Variants in KCTD16 observed in about 807,000 individuals in gnomAD.
KCTD16 encodes BTB/POZ domain-containing protein KCTD16.
Under a neutral mutation model 33.2 loss-of-function variants are expected in KCTD16, and 13 were observed. The observed-to-expected ratio is 0.39, with a 90% confidence interval of 0.25 to 0.62. The LOEUF is 0.62. Ranked by LOEUF, KCTD16 falls within the 20% of genes least tolerant of loss-of-function variation. The pLI is 0.50. For synonymous variants in KCTD16, 197 were observed against 195.3 expected (o/e 1.01, Z -0.07); for missense variants, 441 against 525.1 (o/e 0.84, Z 1.57).
rs1753211005 is a variant in KCTD16, at chr5:144,207,240, T to G, written c.526T>G (p.Leu176Val). 3 of 1,614,114 alleles carry G rather than the reference T, an allele frequency of 1.9e-6. No homozygotes were observed. The East Asian group carries it at 6.7e-5, about 36-fold the overall frequency. Residue 176 changes from leucine (L) to valine (V), a missense_variant, in exon 3 of 4, where the codon TTG becomes GTG. Physicochemically the swap from Leu to Val is conservative, Grantham distance 32. Around this residue, in one of 3 missense-constraint regions of KCTD16, gnomAD observed 355 missense variants for 413.0 expected, o/e 0.86. Coordinates refer to ENST00000512467, the MANE Select transcript of KCTD16 (RefSeq NM_020768.4). ...TGTGGGTTACAGAGGATCCTGCACC[T>G]TGGGCAGAGAGGGACAGGCAGATGC... ...ITVGYRGSCT[L>V]GREGQADAKF... is the part of the protein sequence containing the mutation.
At chr5:144,342,249 A>G (rs1016931727) in intron 3 of KCTD16, among the ~76,000 whole-genome samples, 1 of 152,078 alleles carries the variant, frequency 6.6e-6, no homozygotes, top group Admixed American at 6.6e-5. Context: ...GTTTTATTTC[A>G]TTGAACAGTG....
intron 3 of KCTD16, among the ~76,000 whole-genome samples, chr5:144,305,432 A>G (rs1457129415): frequency 3.3e-5 from 5 of 152,234 alleles, no homozygotes; most frequent in East Asian, 1.9e-4. Flanking sequence ...CCCTAATTCA[A>G]TCTGACTGGT....
At chr5:144,242,094 AT>A (rs149271435) in intron 3 of KCTD16, among the ~76,000 whole-genome samples, 6,843 of 151,888 alleles carry the variant, frequency 0.045, 449 homozygotes, top group African/African-American at 0.15. Flanking sequence ...ATTTTATTTT[AT>A]TTTTTTTGAA....
In KCTD16 at chr5:144,199,707, A is replaced by ATTTT. The variant is rs574670606; in HGVS notation, c.-326-6657_-326-6654dup. Among the ~76,000 whole-genome samples, 571 of 67,720 alleles carry ATTTT rather than the reference A, an allele frequency of 8.4e-3. 76 individuals carry two copies. Among genetic ancestry groups the ATTTT allele is most frequent in the African/African-American group, 0.03 (505 of 16,630 alleles). 44.4% of individuals were successfully genotyped at this position (67,720 alleles called of 152,430 possible). On this transcript the variant is annotated intron_variant, in intron 2 of 3. Coordinates refer to ENST00000512467, the MANE Select transcript of KCTD16 (RefSeq NM_020768.4). ...TGACCATTTGTTCCAGAACAGCTTCATTTTTTTTTTTTTTTTTTTTTTTTT... is the reference window on the plus strand; with the variant it reads ...TGACCATTTGTTCCAGAACAGCTTCATTTTTTTTTTTTTTTTTTTTTTTTTTTTT...
intron 3 of KCTD16, among the ~76,000 whole-genome samples, chr5:144,425,347 G>A (rs1753302508): frequency 6.6e-6 from 1 of 151,880 alleles, no homozygotes; most frequent in South Asian, 2.1e-4. Flanking sequence ...TAGCCTTGTT[G>A]GGCTCATCCC....
chr5:144,371,886 T>G (rs1341131401), intron 3 of KCTD16, among the ~76,000 whole-genome samples: 2 of 152,158 alleles, frequency 1.3e-5, no homozygotes, highest in Admixed American at 1.3e-4. Context: ...ACCTGTAGCC[T>G]TCTCTTGCCT....
Position 144,353,075 on chromosome 5 carries a change from G to C in KCTD16, c.833-120585G>C, listed in dbSNP as rs1334831449. 2.6e-5 allele frequency among the ~76,000 whole-genome samples: 4 copies of C among 152,308 alleles called. No individual in the cohort carries two copies. The East Asian group carries it at 5.8e-4, about 22-fold the overall frequency. ...CAAAATCTTAATTAGATGCAGACCA[G>C]GGCTAACGTTTGCCACCTGCTGCTG... is the stretch of plus-strand genomic sequence containing the variant. On this transcript the variant is annotated intron_variant, in intron 3 of 3. Coordinates refer to ENST00000512467, the MANE Select transcript of KCTD16 (RefSeq NM_020768.4).
intron 3 of KCTD16, among the ~76,000 whole-genome samples, chr5:144,273,956 T>C (rs1275006735): frequency 6.6e-6 from 1 of 150,864 alleles, no homozygotes; most frequent in Non-Finnish European, 1.5e-5. Context: ...TGTATTAAAA[T>C]ATACGTAACA....
chr5:144,352,459 A>G (rs1751468954), intron 3 of KCTD16, among the ~76,000 whole-genome samples: 1 of 152,218 alleles, frequency 6.6e-6, no homozygotes, highest in South Asian at 2.1e-4. Flanking sequence ...CACTGGTGAC[A>G]CACAAACTCT....
intron 3 of KCTD16, among the ~76,000 whole-genome samples, chr5:144,275,117 G>T (rs1755403986): frequency 6.6e-6 from 1 of 152,152 alleles, no homozygotes. Flanking sequence ...CTACAGTGTA[G>T]ATGCTAAAAT....
At chr5:144,288,971 G>A (rs1561554880) in intron 3 of KCTD16, among the ~76,000 whole-genome samples, 1 of 152,028 alleles carries the variant, frequency 6.6e-6, no homozygotes, top group Non-Finnish European at 1.5e-5. Context: ...AGCCAGTCGC[G>A]CCATTGCATT....
intron 2 of KCTD16, among the ~76,000 whole-genome samples, chr5:144,176,384 T>G (rs985099777): frequency 7.0e-6 from 1 of 142,438 alleles, no homozygotes; most frequent in African/African-American, 2.7e-5. Flanking sequence ...AGATATAGTG[T>G]TTCTTTTTTT....
At chr5:144,234,420 C>A (rs1441172487) in intron 3 of KCTD16, among the ~76,000 whole-genome samples, 2 of 152,142 alleles carry the variant, frequency 1.3e-5, no homozygotes, top group Non-Finnish European at 2.9e-5. Flanking sequence ...CTATACCCTT[C>A]CTATTCCAGG....
intron 3 of KCTD16, among the ~76,000 whole-genome samples, chr5:144,258,050 G>A (rs2126836781): frequency 6.6e-6 from 1 of 152,214 alleles, no homozygotes; most frequent in African/African-American, 2.4e-5. Flanking sequence ...TACTATTTAA[G>A]ACTATTTATT....
chr5:144,288,304 CAA>C (rs750848250), intron 3 of KCTD16, among the ~76,000 whole-genome samples: 21 of 152,230 alleles, frequency 1.4e-4, no homozygotes, highest in South Asian at 4.2e-4. Flanking sequence ...CTCAAATTTG[CAA>C]AACTGTGAAT....
At chr5:144,331,325 C>T (rs1176876009) in intron 3 of KCTD16, among the ~76,000 whole-genome samples, 1 of 152,148 alleles carries the variant, frequency 6.6e-6, no homozygotes, top group Non-Finnish European at 1.5e-5. Context: ...AGCACCATTA[C>T]AGGACTGGCC....
chr5:144,401,136 G>GC (rs1473575626), intron 3 of KCTD16, among the ~76,000 whole-genome samples: 1 of 152,148 alleles, frequency 6.6e-6, no homozygotes, highest in African/African-American at 2.4e-5. Context: ...AGTGGTGAGT[G>GC]CCAGCTCTGA....
Position 144,206,595 on chromosome 5 carries a change from G to A in KCTD16, c.-120G>A. 1.2e-6 allele frequency: 1 copy of A among 824,926 alleles called. No individual in the cohort carries two copies. The highest frequency in any genetic ancestry group is 1.9e-6 in the Non-Finnish European group (1 of 523,544). 51.1% of individuals were successfully genotyped at this position (824,926 alleles called of 1,614,324 possible). A position where few individuals can be genotyped will look rare whatever the true frequency, so the allele number is the denominator to read the frequency against. On this transcript the variant is annotated 5_prime_UTR_variant, in exon 3 of 4. Coordinates refer to ENST00000512467, the MANE Select transcript of KCTD16 (RefSeq NM_020768.4). ...GGGAAAAATACTGGGATAAGAGGAG[G>A]TCATTTTTTAATAAGTTAGCATCCT...
chr5:144,338,013 A>G (rs1033961469), intron 3 of KCTD16, among the ~76,000 whole-genome samples: 2 of 152,210 alleles, frequency 1.3e-5, no homozygotes, highest in Non-Finnish European at 2.9e-5. Flanking sequence ...ATAAAAACAT[A>G]GCTATTTTTA....
Sources: allele counts gnomAD v4.1 joint callset (sites outside exome capture counted in the v4.1 genomes callset), GRCh38; gene constraint gnomAD v4.1.1; regional missense constraint gnomAD v4.1.1; transcripts MANE v1.5; gene names NCBI Gene and HGNC (gene_info 2026-07-23, HGNC 2026-07-21).